HHLA2: variants seen among roughly 807,000 people sequenced by gnomAD.
HHLA2 encodes HHLA2 member of B7 family.
A neutral mutation model predicts 45.9 loss-of-function variants in HHLA2; 48 were observed. That is an observed-to-expected ratio of 1.05 (90% CI 0.83 to 1.33). The LOEUF is 1.33. HHLA2 is among the 40% of genes most tolerant of loss of function. The probability of loss-of-function intolerance (pLI) is 0.00; values close to 1 mark genes in which losing one functional copy is unlikely to be tolerated. For missense variants in HHLA2, 462 were observed against 494.3 expected (o/e 0.93, Z 0.62); for synonymous variants, 161 against 173.9 (o/e 0.93, Z 0.59).
intron 3 of HHLA2, among the ~76,000 whole-genome samples, chr3:108,343,253 G>A (rs2081606564): frequency 6.6e-6 from 1 of 152,124 alleles, no homozygotes; most frequent in South Asian, 2.1e-4. Context: ...TAGAAGACAA[G>A]GCTTCTGAAG....
At chr3:108,329,186 G>C (rs2081342459) in intron 3 of HHLA2, among the ~76,000 whole-genome samples, 1 of 152,160 alleles carries the variant, frequency 6.6e-6, no homozygotes, top group African/African-American at 2.4e-5. Flanking sequence ...CTGTAAGAAA[G>C]TGCCACAGGA....
At chr3:108,362,757 A>G (rs2082002947) in intron 8 of HHLA2, among the ~76,000 whole-genome samples, 1 of 152,130 alleles carries the variant, frequency 6.6e-6, no homozygotes, top group South Asian at 2.1e-4. Context: ...AAATTAATTA[A>G]AGATCATACT....
chr3:108,360,738 A>C (rs1353410305), intron 7 of HHLA2, among the ~76,000 whole-genome samples: 1 of 152,200 alleles, frequency 6.6e-6, no homozygotes. Context: ...CTTAAGAATT[A>C]TTTATTCCTG....
chr3:108,315,094 G>A (rs2081080972), intron 2 of HHLA2, among the ~76,000 whole-genome samples: 1 of 152,132 alleles, frequency 6.6e-6, no homozygotes, highest in South Asian at 2.1e-4. Flanking sequence ...TTGTACCCAC[G>A]TTAAGCATTT....
At chr3:108,327,710 T>C (rs539139592) in intron 2 of HHLA2, among the ~76,000 whole-genome samples, 1 of 152,194 alleles carries the variant, frequency 6.6e-6, no homozygotes, top group Non-Finnish European at 1.5e-5. Context: ...ACAAAAAAAG[T>C]ATGGTTAAAT....
At chr3:108,352,415 C>T (rs910836288) in intron 4 of HHLA2, among the ~76,000 whole-genome samples, 2 of 152,104 alleles carry the variant, frequency 1.3e-5, no homozygotes, top group East Asian at 3.9e-4. Context: ...GAAAGAGCCC[C>T]AGAAGGGAAG....
chr3:108,306,201 T>C (rs2080925836), intron 1 of HHLA2, among the ~76,000 whole-genome samples: 1 of 152,230 alleles, frequency 6.6e-6, no homozygotes, highest in South Asian at 2.1e-4. Context: ...TCCTCACTTC[T>C]GCTTTCCCCC....
chr3:108,355,458 G>C, intron 6 of HHLA2, 77 bp downstream of exon 5: 1 of 1,476,512 alleles, frequency 6.8e-7, no homozygotes. Flanking sequence ...TGCAAAAAAA[G>C]AAAGGAAGAT....
At chr3:108,297,455 G>A (rs374554661) in intron 1 of HHLA2, among the ~76,000 whole-genome samples, 1 of 152,138 alleles carries the variant, frequency 6.6e-6, no homozygotes, top group Non-Finnish European at 1.5e-5. Context: ...GCATTTACCT[G>A]CTTCATCATT....
chr3:108,319,322 A>G (rs1376437833), intron 2 of HHLA2, among the ~76,000 whole-genome samples: 1 of 151,964 alleles, frequency 6.6e-6, no homozygotes, highest in Non-Finnish European at 1.5e-5. Context: ...CTTTCTTGGA[A>G]CCCCACTCTA....
At chr3:108,334,008 G>C (rs1025074388) in intron 3 of HHLA2, among the ~76,000 whole-genome samples, 2 of 152,144 alleles carry the variant, frequency 1.3e-5, no homozygotes, top group African/African-American at 4.8e-5. Context: ...AGTAAATTGC[G>C]AAGGCAGGCC....
intron 2 of HHLA2, among the ~76,000 whole-genome samples, chr3:108,322,295 T>C (rs578187511): frequency 6.6e-6 from 1 of 152,370 alleles, no homozygotes; most frequent in East Asian, 1.9e-4. Context: ...TCTTAACCTC[T>C]ACCTTAACTC....
At chr3:108,366,762 G>A (rs1464854169) in intron 8 of HHLA2, among the ~76,000 whole-genome samples, 3 of 152,194 alleles carry the variant, frequency 2.0e-5, no homozygotes, top group Non-Finnish European at 2.9e-5. Flanking sequence ...TTGCTTAGAG[G>A]TGTTTATAGT....
At chr3:108,353,763 T>C (rs1242176837) in exon 5 of HHLA2, 1 of 1,610,584 alleles carries the variant, frequency 6.2e-7, no homozygotes, top group East Asian at 2.2e-5. Context: ...ACAAACAAAG[T>C]GGTGCTAAAG....
chr3:108,353,272 G>A (rs1189540979), intron 4 of HHLA2, among the ~76,000 whole-genome samples, 155 bp from the exon 4 acceptor site: 1 of 152,148 alleles, frequency 6.6e-6, no homozygotes, highest in South Asian at 2.1e-4. Context: ...AGCTTCACAG[G>A]TTTGTTTCTA....
At chr3:108,313,713 G>A (rs756001656) in intron 2 of HHLA2, among the ~76,000 whole-genome samples, 39 of 152,216 alleles carry the variant, frequency 2.6e-4, no homozygotes, top group Non-Finnish European at 5.0e-4. Context: ...CACAACAGGT[G>A]TCCTGTATGG....
chr3:108,373,990 T>C (rs1356000680), intron 8 of HHLA2, among the ~76,000 whole-genome samples: 2 of 151,250 alleles, frequency 1.3e-5, no homozygotes, highest in Non-Finnish European at 3.0e-5. Flanking sequence ...TTAAAGTTCA[T>C]ATGGAACCAA....
chr3:108,325,446 A>C (rs1576120299), intron 2 of HHLA2: 1 of 385,578 alleles, frequency 2.6e-6, no homozygotes, highest in Non-Finnish European at 5.1e-6. Flanking sequence ...TGTAACCTGT[A>C]CCTCCCCTGT....
At chr3:108,340,506 A>G (rs62266215) in intron 3 of HHLA2, among the ~76,000 whole-genome samples, 6,138 of 152,332 alleles carry the variant, frequency 0.04, 179 homozygotes, top group Non-Finnish European at 0.054. Flanking sequence ...AAATAGAACC[A>G]AACAAAGGTT....
Sources: gnomAD v4.1 joint callset for allele counts (sites outside exome capture counted in the v4.1 genomes callset) on GRCh38, gnomAD v4.1.1 for gene constraint, MANE v1.5 for transcripts, NCBI Gene and HGNC (gene_info 2026-07-23, HGNC 2026-07-21) for gene names.